The following FRMD3 variants were observed in gnomAD, a reference collection of about 807,000 sequenced individuals.
The protein encoded by FRMD3 is FERM domain-containing protein 3.
A neutral mutation model predicts 70.2 loss-of-function variants in FRMD3; 33 were observed. That is an observed-to-expected ratio of 0.47 (90% CI 0.36 to 0.63). The LOEUF (loss-of-function observed/expected upper bound fraction) is 0.63, where lower values mean the gene tolerates loss of function less well. FRMD3 is among the 20% of genes least tolerant of loss of function. FRMD3 has a pLI of 0.00. For missense variants in FRMD3, 632 were observed against 711.4 expected, an observed-to-expected ratio of 0.89 and a Z score of 1.27; for synonymous variants, 279 against 255.9, an observed-to-expected ratio of 1.09 and a Z score of -0.86.
intron 1 of FRMD3, among the ~76,000 whole-genome samples, chr9:83,522,327 T>C (rs17086406): frequency 0.022 from 3,408 of 152,058 alleles, 79 homozygotes; most frequent in Non-Finnish European, 0.031. Flanking sequence ...CGCCTTAAGC[T>C]TTGCCCGCCT....
At chr9:83,443,456 C>T (rs1827365608) in intron 1 of FRMD3, among the ~76,000 whole-genome samples, 1 of 152,188 alleles carries the variant, frequency 6.6e-6, no homozygotes, top group African/African-American at 2.4e-5. Context: ...CATGTCGCTA[C>T]AAAGGACATG....
At chr9:83,579,622 C>G in the FRMD3 span, among the ~76,000 whole-genome samples, 3 of 152,010 alleles carry the variant, frequency 2.0e-5, no homozygotes, top group Admixed American at 6.6e-5. Flanking sequence ...CACCATGAAC[C>G]AAAAACAACT....
chr9:83,279,198 T>C (rs1172176325), intron 13 of FRMD3: 2 of 152,202 alleles, frequency 1.3e-5, no homozygotes, highest in Non-Finnish European at 2.9e-5. Context: ...AGTGGAGATA[T>C]GAGGATTTTG....
chr9:83,424,141 G>A (rs1019078406), intron 1 of FRMD3, among the ~76,000 whole-genome samples: 3 of 152,248 alleles, frequency 2.0e-5, no homozygotes, highest in African/African-American at 4.8e-5. Flanking sequence ...GGTGGATGCA[G>A]ACGGTCGTGG....
intron 3 of FRMD3, among the ~76,000 whole-genome samples, chr9:83,368,599 T>C (rs1323854386): frequency 1.3e-5 from 2 of 152,202 alleles, no homozygotes; most frequent in African/African-American, 2.4e-5. Context: ...TGTAATTAAT[T>C]AGCTTTTCAA....
chr9:83,549,083 T>A, the FRMD3 span, among the ~76,000 whole-genome samples: 4 of 152,072 alleles, frequency 2.6e-5, no homozygotes. Context: ...GAGTTGTGTT[T>A]TCTGCCCTTC....
chr9:83,294,633 C>T (rs891313502), intron 12 of FRMD3, among the ~76,000 whole-genome samples: 3 of 152,110 alleles, frequency 2.0e-5, no homozygotes, highest in East Asian at 3.8e-4. Context: ...AGGTAAATGT[C>T]ATATTTGCAG....
intron 8 of FRMD3, among the ~76,000 whole-genome samples, chr9:83,311,550 T>C (rs1195396711): frequency 6.6e-6 from 1 of 152,120 alleles, no homozygotes; most frequent in African/African-American, 2.4e-5. Context: ...GAGTGGATCC[T>C]GAGTTGTTCA....
intron 1 of FRMD3, among the ~76,000 whole-genome samples, chr9:83,479,299 A>AAGAAGG (rs764142547): frequency 0.011 from 1,571 of 147,368 alleles, 38 homozygotes; most frequent in African/African-American, 0.037. Flanking sequence ...GAAGAAGAAG[A>AAGAAGG]AGAAGGAGAA....
chr9:83,392,752 G>C (rs567504832), intron 1 of FRMD3, among the ~76,000 whole-genome samples: 24 of 152,326 alleles, frequency 1.6e-4, no homozygotes, highest in African/African-American at 5.5e-4. Context: ...GGTATTGGCA[G>C]TTCCACAAAT....
chr9:83,325,314 A>C (rs1835968456), intron 6 of FRMD3, among the ~76,000 whole-genome samples: 2 of 152,110 alleles, frequency 1.3e-5, no homozygotes, highest in Non-Finnish European at 1.5e-5. Flanking sequence ...ATCTATTTTT[A>C]AATTTATTTA....
chr9:83,297,152 G>T (rs1477455730), intron 12 of FRMD3, among the ~76,000 whole-genome samples: 1 of 152,108 alleles, frequency 6.6e-6, no homozygotes, highest in Non-Finnish European at 1.5e-5. Context: ...TTATTTTTTG[G>T]AATATGTATC....
At chr9:83,513,474 GAA>G (rs1829384434) in intron 1 of FRMD3, among the ~76,000 whole-genome samples, 1 of 152,134 alleles carries the variant, frequency 6.6e-6, no homozygotes, top group African/African-American at 2.4e-5. Flanking sequence ...CAAAATAAAT[GAA>G]AAAGAGAAAC....
At chr9:83,306,395 C>T (rs1454593320) in intron 10 of FRMD3, among the ~76,000 whole-genome samples, 2 of 152,138 alleles carry the variant, frequency 1.3e-5, no homozygotes, top group African/African-American at 2.4e-5. Flanking sequence ...CTCCTGGTCC[C>T]TTATCACCTC....
chr9:83,505,801 C>T (rs1829168704), intron 1 of FRMD3, among the ~76,000 whole-genome samples: 2 of 152,092 alleles, frequency 1.3e-5, no homozygotes, highest in African/African-American at 4.8e-5. Context: ...GTGTTGTGGC[C>T]TTAGCATAAT....
intron 1 of FRMD3, among the ~76,000 whole-genome samples, chr9:83,451,339 A>G (rs1166546142): frequency 1.3e-5 from 2 of 151,140 alleles, no homozygotes; most frequent in Non-Finnish European, 3.0e-5. Context: ...TAGAAATGTT[A>G]AACTGCCCCA....
At chr9:83,261,707 TCC>T (rs1326396229) in intron 13 of FRMD3, among the ~76,000 whole-genome samples, 2 of 152,178 alleles carry the variant, frequency 1.3e-5, no homozygotes, top group African/African-American at 4.8e-5. Flanking sequence ...CTGCCAGCTG[TCC>T]CTTGAAAAGA....
chr9:83,385,218 A>T (rs1229042005), intron 2 of FRMD3, among the ~76,000 whole-genome samples: 1 of 152,154 alleles, frequency 6.6e-6, no homozygotes, highest in African/African-American at 2.4e-5. Context: ...TAAGCCAAGT[A>T]CTACCTTCTT....
chr9:83,416,776 T>TCTCTCTCTCTCTCTCC (rs1826464583), intron 1 of FRMD3, among the ~76,000 whole-genome samples: 1 of 135,726 alleles, frequency 7.4e-6, no homozygotes, highest in Non-Finnish European at 1.5e-5. Flanking sequence ...TCTCTCTCTC[T>TCTCTCTCTCTCTCTCC]CTCTCTCTCT....
Sources: allele counts gnomAD v4.1 joint callset (sites outside exome capture counted in the v4.1 genomes callset), GRCh38; gene constraint gnomAD v4.1.1; transcripts MANE v1.5; gene names NCBI Gene and HGNC (gene_info 2026-07-23, HGNC 2026-07-21).